SEC31A: variants seen among roughly 807,000 people sequenced by gnomAD.
SEC31A encodes SEC31 homolog A, COPII component.
In SEC31A, 70 loss-of-function variants were observed where a neutral mutation model predicts 151.0. That is an observed-to-expected ratio of 0.46 (90% CI 0.38 to 0.57). SEC31A has a LOEUF of 0.57. Among genes scored for constraint, SEC31A ranks in the 20% least tolerant of loss-of-function variants. SEC31A has a pLI of 0.00. For synonymous variants in SEC31A, 475 were observed against 505.9 expected (o/e 0.94, Z 0.82); for missense variants, 1,330 against 1,471.2 (o/e 0.90, Z 1.57).
At chr4:82,852,244 T>C (rs1164069275) in intron 18 of SEC31A, among the ~76,000 whole-genome samples, 1 of 152,198 alleles carries the variant, frequency 6.6e-6, no homozygotes, top group Non-Finnish European at 1.5e-5. Context: ...GTGAGTTCAT[T>C]AAACCTCTTT....
rs376486995 is a variant in SEC31A at position 82,856,909 on chromosome 4, T to C, written c.1881+43A>G. The C allele has an allele frequency of 5.3e-6, 8 of 1,504,766 alleles. No individual in the cohort carries two copies. In the African/African-American group the frequency reaches 1.1e-4, roughly 21 times the overall value. The allele number at this position is 1,504,766 out of a possible 1,614,324, so 93.2% of individuals were successfully genotyped here. Reference sequence around the variant, plus strand: ...AATAACAGTGTATTGTTTTTATAATTAGAAAGATAAATACGTTATTGCTTA... The same window carrying C: ...AATAACAGTGTATTGTTTTTATAATCAGAAAGATAAATACGTTATTGCTTA... On this transcript the variant is annotated intron_variant, in intron 16 of 26. Transcript: ENST00000395310.
intron 16 of SEC31A, 31 bp downstream of exon 16, chr4:82,856,921 T>C (rs767659439): frequency 6.4e-7 from 1 of 1,552,136 alleles, no homozygotes; most frequent in Admixed American, 2.0e-5. Flanking sequence ...GAAAGATAAA[T>C]ACGTTATTGC....
chr4:82,900,475 T>C lies in SEC31A; in HGVS notation c.-315A>G, dbSNP rs1451456807. 2.8e-5 allele frequency: 9 copies of C among 319,584 alleles called. No individual in the cohort carries two copies. In the South Asian group the frequency reaches 3.3e-4, roughly 12 times the overall value. 19.8% of individuals were successfully genotyped at this position (319,584 alleles called of 1,614,324 possible). A position where few individuals can be genotyped will look rare whatever the true frequency, so the allele number is the denominator to read the frequency against. Reference sequence around the variant, plus strand: ...TCACAAGAAGGACGATGGCGCCAGATTGTGCCAGAATGGGTGAAAACAGAA... The same window carrying C: ...TCACAAGAAGGACGATGGCGCCAGACTGTGCCAGAATGGGTGAAAACAGAA... On this transcript the variant is annotated 5_prime_UTR_variant, in exon 1 of 29. Coordinates refer to the SEC31A transcript ENST00000355196.
At position 82,848,990 on chromosome 4, in the gene SEC31A, G is replaced by A. The variant is rs369214708; in HGVS notation, c.2329-13C>T. The A allele has an allele frequency of 1.2e-6, 2 of 1,608,388 alleles. No homozygotes were observed. Among genetic ancestry groups the A allele is most frequent in the African/African-American group, 1.3e-5 (1 of 74,578 alleles). On this transcript the variant is annotated splice_polypyrimidine_tract_variant and intron_variant, in intron 19 of 26. Coordinates refer to ENST00000395310, the MANE Select transcript of SEC31A (RefSeq NM_001077207.4). ...GCATGATATTTGGCTAAAAAGGATT[G>A]GAAAAACAGCAGACTGTTGAGAGTT...
At chr4:82,896,763 G>A in intron 3 of SEC31A, among the ~76,000 whole-genome samples, 1 of 152,102 alleles carries the variant, frequency 6.6e-6, no homozygotes, top group Non-Finnish European at 1.5e-5. Flanking sequence ...AATTTTTCAA[G>A]GAATATTGTC....
chr4:82,837,615 G>A (rs1463983231), intron 22 of SEC31A, among the ~76,000 whole-genome samples: 1 of 152,014 alleles, frequency 6.6e-6, no homozygotes, highest in East Asian at 1.9e-4. Flanking sequence ...GAACTCCAGG[G>A]CTCATGCACT....
At chr4:82,888,615 G>A (rs1303330148) in intron 1 of SEC31A, among the ~76,000 whole-genome samples, 1 of 151,818 alleles carries the variant, frequency 6.6e-6, no homozygotes, top group Non-Finnish European at 1.5e-5. Flanking sequence ...CTTGAACCCA[G>A]GTGACGGAGT....
At chr4:82,849,116 A>G (rs1730862900) in intron 19 of SEC31A, 139 bp from the exon 20 acceptor site, 5 of 743,166 alleles carry the variant, frequency 6.7e-6, no homozygotes, top group Non-Finnish European at 1.1e-5. Context: ...AGACCCTGAC[A>G]CACAGATTTG....
chr4:82,890,225 A>T (rs937542338), intron 1 of SEC31A, among the ~76,000 whole-genome samples: 3 of 137,402 alleles, frequency 2.2e-5, no homozygotes, highest in Non-Finnish European at 3.2e-5. Flanking sequence ...AAAAAAAAAA[A>T]GGAGAGTAAG....
chr4:82,857,987 G>A (rs1465279934), intron 14 of SEC31A: 1 of 376,588 alleles, frequency 2.7e-6, no homozygotes, highest in African/African-American at 2.1e-5. Context: ...GAAGAATACT[G>A]GTTAAACAGG....
At position 82,819,224 on chromosome 4, in the gene SEC31A, G is replaced by T; in HGVS notation, c.3513C>A (p.His1171Gln). 8.8e-6 allele frequency: 14 copies of T among 1,598,146 alleles called. No homozygotes were observed. The highest frequency in any genetic ancestry group is 1.2e-5 in the Non-Finnish European group (14 of 1,173,188). ...TLSPTITSGLHNIARSIETRN... is the reference protein window; with the variant it reads ...TLSPTITSGLQNIARSIETRN... The stretch of plus-strand genomic sequence containing the variant: ...GAGTTTCAATGCTCCTTGCAATGTT[G>T]TGTAAACCACTGGTGATTGTTGGTG... Residue 1171 changes from histidine to glutamine, a missense_variant, in exon 27 of 27, where the codon CAC (histidine) becomes CAA (glutamine). By Grantham distance (24) the His-to-Gln change is conservative (BLOSUM62 0). Coordinates refer to ENST00000395310, the MANE Select transcript of SEC31A (RefSeq NM_001077207.4).
upstream of SEC31A, chr4:82,893,098 T>C (rs563101561): frequency 6.6e-6 from 1 of 152,234 alleles, no homozygotes; most frequent in South Asian, 2.1e-4. Context: ...GACAGGTTTT[T>C]GCTGTGTTGC....
At chr4:82,885,343 TTGTC>T (rs1287009629) in intron 1 of SEC31A, among the ~76,000 whole-genome samples, 4 of 152,186 alleles carry the variant, frequency 2.6e-5, no homozygotes, top group Admixed American at 6.5e-5. Flanking sequence ...AAGTCTTTCA[TTGTC>T]TGTTTTCTTT....
intron 25 of SEC31A, among the ~76,000 whole-genome samples, chr4:82,821,781 T>C (rs565058330): frequency 1.8e-4 from 27 of 152,210 alleles, no homozygotes; most frequent in Non-Finnish European, 3.2e-4. Context: ...AATGGGTCAG[T>C]GTATCACAAA....
Position 82,819,035 on chromosome 4 carries a change from G to C in SEC31A, c.*39C>G. On this transcript the variant is annotated 3_prime_UTR_variant, in exon 27 of 27. Transcript: ENST00000395310. ...ATTTTTTTTTTTAACATGTTTCTTT[G>C]GAAAAATGGCAATATTGAGTGGAAG... 6.6e-7 allele frequency: 1 copy of C among 1,526,396 alleles called. No homozygotes were observed. The highest frequency in any genetic ancestry group is 1.7e-4 in the Middle Eastern group (1 of 5,724). 94.6% of individuals were successfully genotyped at this position (1,526,396 alleles called of 1,614,324 possible).
chr4:82,824,624 A>G lies in SEC31A; in HGVS notation c.3342T>C (p.Asp1114=). 6.2e-7 allele frequency: 1 copy of G among 1,614,122 alleles called. No homozygotes were observed. Among genetic ancestry groups the G allele is most frequent in the Non-Finnish European group, 8.5e-7 (1 of 1,179,978 alleles). Residue 1114 remains aspartate (D), a synonymous_variant, in exon 25 of 27, where the codon GAT becomes GAC. Coordinates refer to ENST00000395310, the MANE Select transcript of SEC31A (RefSeq NM_001077207.4). ...ATGTGGTCTTTAGAATGAGGTGCTC[A>G]TCTGGAATAGGTTTCTTGGTAATTT... ...TKKITKKPIP[D]EHLILKTTFE...
chr4:82,880,240 G>A, intron 3 of SEC31A, among the ~76,000 whole-genome samples: 1 of 151,410 alleles, frequency 6.6e-6, no homozygotes. Context: ...AGAAAAAAAT[G>A]CTAGAAACTA....
chr4:82,860,252 T>C (rs4693520), intron 14 of SEC31A, among the ~76,000 whole-genome samples: 145,060 of 152,238 alleles, frequency 0.95, 69,458 homozygotes, highest in East Asian at 1. Context: ...AATAGCTCAT[T>C]GAGACAAAGG....
chr4:82,837,255 G>T (rs1727606252), intron 22 of SEC31A, among the ~76,000 whole-genome samples: 1 of 143,712 alleles, frequency 7.0e-6, no homozygotes, highest in South Asian at 2.2e-4. Context: ...GTATGTATGT[G>T]TATGTCTGTA....
Sources: allele counts gnomAD v4.1 joint callset (sites outside exome capture counted in the v4.1 genomes callset), GRCh38; gene constraint gnomAD v4.1.1; transcripts MANE v1.5; gene names NCBI Gene and HGNC (gene_info 2026-07-23, HGNC 2026-07-21).